SHLD1: variants seen among roughly 807,000 people sequenced by gnomAD.
SHLD1 encodes the protein RINN1-REV7-interacting novel NHEJ regulator 3.
SHLD1 carries 3 observed loss-of-function variants against 5.5 expected under a neutral mutation model. That is an observed-to-expected ratio of 0.54 (90% CI 0.25 to 1.40). The LOEUF is 1.40. Ranked by LOEUF, SHLD1 falls within the 40% of genes most tolerant of loss-of-function variation. The pLI is 0.15. For synonymous variants in SHLD1, 92 were observed against 94.3 expected, an observed-to-expected ratio of 0.98 and a Z score of 0.14; for missense variants, 210 against 244.4, an observed-to-expected ratio of 0.86 and a Z score of 0.94.
At chr20:5,835,503 C>T (rs1027785514) in intron 2 of SHLD1, among the ~76,000 whole-genome samples, 1 of 152,096 alleles carries the variant, frequency 6.6e-6, no homozygotes, top group African/African-American at 2.4e-5. Context: ...CTGGCCAGCT[C>T]TACCTGGGGA....
chr20:5,838,916 T>C (rs527984560), intron 2 of SHLD1, among the ~76,000 whole-genome samples: 24 of 152,392 alleles, frequency 1.6e-4, no homozygotes, highest in African/African-American at 5.8e-4. Flanking sequence ...GTCAGGCTCA[T>C]GTGTTTAACT....
intron 1 of SHLD1, among the ~76,000 whole-genome samples, chr20:5,766,111 A>G (rs746104881): frequency 1.3e-5 from 2 of 152,188 alleles, no homozygotes. Context: ...GGCAGGCAGG[A>G]TATGCCAGCA....
intron 2 of SHLD1, among the ~76,000 whole-genome samples, chr20:5,826,370 A>T (rs2087665222): frequency 6.6e-6 from 1 of 152,144 alleles, no homozygotes; most frequent in Non-Finnish European, 1.5e-5. Flanking sequence ...AGCTAATTGT[A>T]ATATGTTTGA....
intron 2 of SHLD1, among the ~76,000 whole-genome samples, chr20:5,808,566 C>A (rs237070): frequency 1 from 151,917 of 152,338 alleles, 75,750 homozygotes; most frequent in Middle Eastern, 1. Context: ...CATATTTTTA[C>A]TGTCTGCATA....
At chr20:5,796,806 A>T (rs1434659801) in intron 2 of SHLD1, among the ~76,000 whole-genome samples, 1 of 150,854 alleles carries the variant, frequency 6.6e-6, no homozygotes, top group Non-Finnish European at 1.5e-5. Context: ...TCCAGCCTGG[A>T]CAACAGGACA....
intron 2 of SHLD1, among the ~76,000 whole-genome samples, chr20:5,817,151 A>G (rs1568517053): frequency 6.6e-6 from 1 of 152,152 alleles, no homozygotes; most frequent in Non-Finnish European, 1.5e-5. Context: ...TAATTCCATC[A>G]TCTTTATCAT....
intron 2 of SHLD1, among the ~76,000 whole-genome samples, chr20:5,778,450 T>A (rs1407047346): frequency 6.6e-6 from 1 of 151,132 alleles, no homozygotes; most frequent in Admixed American, 6.6e-5. Context: ...TAAAAAAAAA[T>A]TTAAAAATTA....
chr20:5,808,708 T>G (rs2087417416), intron 2 of SHLD1, among the ~76,000 whole-genome samples: 1 of 152,240 alleles, frequency 6.6e-6, no homozygotes, highest in Non-Finnish European at 1.5e-5. Flanking sequence ...TCTAATGCAT[T>G]TGGTGAATGA....
At chr20:5,845,471 C>G (rs2087921963) in intron 2 of SHLD1, among the ~76,000 whole-genome samples, 1 of 152,178 alleles carries the variant, frequency 6.6e-6, no homozygotes, top group Non-Finnish European at 1.5e-5. Flanking sequence ...AGGACAAAAC[C>G]AGATTTCTGA....
At chr20:5,781,088 C>G (rs4813775) in intron 2 of SHLD1, among the ~76,000 whole-genome samples, 46,922 of 152,036 alleles carry the variant, frequency 0.31, 7,985 homozygotes, top group African/African-American at 0.46. Flanking sequence ...AATAAAGACA[C>G]AGTCCATCTG....
chr20:5,859,355 T>C (rs371997542), intron 2 of SHLD1, among the ~76,000 whole-genome samples: 2 of 152,156 alleles, frequency 1.3e-5, no homozygotes, highest in East Asian at 1.9e-4. Context: ...CTGTAGAATG[T>C]TTACATCCTT....
chr20:5,788,493 G>A lies in SHLD1; in HGVS notation c.178+15450G>A, dbSNP rs954004301. Reference sequence around the variant, plus strand: ...AGCTGCTGCTCTGAGCCTAGGCCTGGAGGTGGTGCCTGGCGAGTTCTTGCT... The same window carrying A: ...AGCTGCTGCTCTGAGCCTAGGCCTGAAGGTGGTGCCTGGCGAGTTCTTGCT... On this transcript the variant is annotated intron_variant, in intron 2 of 2. Transcript: ENST00000303142. 5.3e-5 allele frequency among the ~76,000 whole-genome samples: 8 copies of A among 152,332 alleles called. 1 individual carries two copies. The South Asian group carries it at 1.7e-3, about 32-fold the overall frequency.
Position 5,863,346 on chromosome 20 carries a change from C to T in SHLD1, c.501C>T (p.Thr167=). 1 of 1,614,202 alleles carries T rather than the reference C, an allele frequency of 6.2e-7. No individual in the cohort carries two copies. The highest frequency in any genetic ancestry group is 8.5e-7 in the Non-Finnish European group (1 of 1,180,026). Residue 167 remains threonine, a synonymous_variant, in exon 3 of 3, where the codon ACC becomes ACT. Coordinates refer to ENST00000303142, the MANE Select transcript of SHLD1 (RefSeq NM_152504.4). The stretch of plus-strand genomic sequence containing the variant: ...TCTTACAGAGGCATTCCAGGGACAC[C>T]CACTTCTACCCACTGGAGGAAGGAA... ...CSVLQRHSRD[T]HFYPLEEGST...
intron 2 of SHLD1, among the ~76,000 whole-genome samples, chr20:5,826,524 T>C (rs1355297143): frequency 6.6e-6 from 1 of 152,060 alleles, no homozygotes; most frequent in Non-Finnish European, 1.5e-5. Context: ...TCCAAGTGGC[T>C]TTCCTTTGAC....
At chr20:5,828,904 T>C (rs545508929) in intron 2 of SHLD1, among the ~76,000 whole-genome samples, 3 of 152,296 alleles carry the variant, frequency 2.0e-5, no homozygotes, top group Non-Finnish European at 2.9e-5. Context: ...ATAGGATCTC[T>C]CTTTGTTACC....
rs147057472 is a variant in SHLD1, at chr20:5,802,555, A to G, written c.178+29512A>G. Among the ~76,000 whole-genome samples the G allele has an allele frequency of 3.1e-3, 473 of 152,306 alleles. 1 individual carries two copies. The highest frequency in any genetic ancestry group is 0.011 in the African/African-American group (460 of 41,574). ...CTGGTGCTTTGTAAGTGTCTGATCC[A>G]TGTTAGCCATCGATGTCATCACCAC... On this transcript the variant is annotated intron_variant, in intron 2 of 2. Coordinates refer to ENST00000303142, the MANE Select transcript of SHLD1 (RefSeq NM_152504.4).
At chr20:5,839,486 A>AAGATAGATAGATAGATAGATAGATAGAT (rs3058152) in intron 2 of SHLD1, among the ~76,000 whole-genome samples, 1 of 149,892 alleles carries the variant, frequency 6.7e-6, no homozygotes, top group African/African-American at 2.5e-5. Context: ...ATTAGATAGA[A>AAGATAGATAGATAGATAGATAGATAGAT]AGATAGATAG....
At chr20:5,797,650 T>C (rs916677797) in intron 2 of SHLD1, among the ~76,000 whole-genome samples, 1 of 152,216 alleles carries the variant, frequency 6.6e-6, no homozygotes, top group Non-Finnish European at 1.5e-5. Flanking sequence ...CACAGTATTA[T>C]AGTATCTGTG....
At chr20:5,797,625 T>G (rs1178737277) in intron 2 of SHLD1, among the ~76,000 whole-genome samples, 3 of 152,194 alleles carry the variant, frequency 2.0e-5, no homozygotes, top group Non-Finnish European at 4.4e-5. Flanking sequence ...ACACTGTCCC[T>G]ACTTACTTAC....
Sources: gnomAD v4.1 joint callset for allele counts (sites outside exome capture counted in the v4.1 genomes callset) on GRCh38, gnomAD v4.1.1 for gene constraint, MANE v1.5 for transcripts, NCBI Gene and HGNC (gene_info 2026-07-23, HGNC 2026-07-21) for gene names.